Variants in CDH4 observed in about 807,000 individuals in gnomAD.
CDH4 encodes the protein cadherin 4, also known as cadherin-4.
In CDH4, 33 loss-of-function variants were observed where a neutral mutation model predicts 86.0. That is an observed-to-expected ratio of 0.38 (90% CI 0.29 to 0.51). The LOEUF (loss-of-function observed/expected upper bound fraction) is 0.51, where lower values mean the gene tolerates loss of function less well. Among genes scored for constraint, CDH4 ranks in the 20% least tolerant of loss-of-function variants. The pLI, the probability that CDH4 is intolerant of heterozygous loss-of-function variation, is 0.86. For missense variants in CDH4, 1,114 were observed against 1,307.4 expected (o/e 0.85, Z 2.28); for synonymous variants, 555 against 549.4 (o/e 1.01, Z -0.14).
At chr20:61,538,946 A>G (rs574377427) in intron 2 of CDH4, among the ~76,000 whole-genome samples, 179 of 152,324 alleles carry the variant, frequency 1.2e-3, no homozygotes, top group Non-Finnish European at 1.7e-3. Flanking sequence ...GCCTGATGCC[A>G]GGTACAGGAG....
chr20:61,541,664 T>C (rs1453326986), intron 2 of CDH4, among the ~76,000 whole-genome samples: 1 of 152,210 alleles, frequency 6.6e-6, no homozygotes, highest in Admixed American at 6.5e-5. Context: ...CTTCGCCATG[T>C]GTTTGTGGCT....
At chr20:61,573,030 TTGGATGGATGGATGGATGGATGGATGGA>T (rs760571002) in intron 2 of CDH4, among the ~76,000 whole-genome samples, 1 of 140,340 alleles carries the variant, frequency 7.1e-6, no homozygotes, top group African/African-American at 2.8e-5. Context: ...GGATGGATGG[TTGGATGGATGGATGGATGGATGGATGGA>T]TGGATGGATG....
At chr20:61,636,504 A>G (rs888327290) in intron 2 of CDH4, among the ~76,000 whole-genome samples, 1 of 152,226 alleles carries the variant, frequency 6.6e-6, no homozygotes, top group East Asian at 1.9e-4. Context: ...TGGAACATCA[A>G]TCCCTGTTCC....
In CDH4 at chr20:61,898,161, C is replaced by T. The variant is rs974124828; in HGVS notation, c.1188+3114C>T. Reference sequence around the variant, plus strand: ...ACACTGTCCATGCCTCACCGTGGGACGGAGCAGGCAGAGGGGCCAGCAGGA... The same window carrying T: ...ACACTGTCCATGCCTCACCGTGGGATGGAGCAGGCAGAGGGGCCAGCAGGA... On this transcript the variant is annotated intron_variant, in intron 8 of 15. Coordinates refer to ENST00000614565, the MANE Select transcript of CDH4 (RefSeq NM_001794.5). Among the ~76,000 whole-genome samples, 8 of 152,184 alleles carry T rather than the reference C, an allele frequency of 5.3e-5. No individual in the cohort carries two copies. In the East Asian group the frequency reaches 5.8e-4, roughly 11 times the overall value.
chr20:61,724,613 C>T (rs1313745767), intron 2 of CDH4, among the ~76,000 whole-genome samples: 5 of 152,208 alleles, frequency 3.3e-5, no homozygotes, highest in East Asian at 1.9e-4. Flanking sequence ...CGCCCCGACC[C>T]CGGGCTGTAC....
chr20:61,620,780 C>T (rs1450772063), intron 2 of CDH4, among the ~76,000 whole-genome samples: 2 of 152,226 alleles, frequency 1.3e-5, no homozygotes, highest in African/African-American at 4.8e-5. Context: ...AGAGGCTGGT[C>T]TCATATGTTG....
At chr20:61,497,610 G>A (rs2085671786) in intron 2 of CDH4, among the ~76,000 whole-genome samples, 3 of 152,150 alleles carry the variant, frequency 2.0e-5, no homozygotes, top group South Asian at 2.1e-4. Flanking sequence ...CTGTTGGTGG[G>A]ACTGTAAACT....
rs10590544 is a variant in CDH4 at position 61,871,039 on chromosome 20, A to ATGTGTGTG, written c.878-2669_878-2662dup. ...CATTACGTATATGTATATTTATAGG[A>ATGTGTGTG]TGTGTGTGTGTGTGTGTGTGTGTGT... is the stretch of plus-strand genomic sequence containing the variant. On this transcript the variant is annotated intron_variant, in intron 6 of 15. Coordinates refer to ENST00000614565, the MANE Select transcript of CDH4 (RefSeq NM_001794.5). Among the ~76,000 whole-genome samples the ATGTGTGTG allele has an allele frequency of 3.5e-3, 524 of 149,848 alleles. 3 individuals carry two copies. Among genetic ancestry groups the ATGTGTGTG allele is most frequent in the South Asian group, 0.012 (57 of 4,716 alleles).
intron 2 of CDH4, among the ~76,000 whole-genome samples, chr20:61,656,243 AG>A: frequency 1.7e-5 from 2 of 118,350 alleles, no homozygotes; most frequent in Admixed American, 2.0e-4. Flanking sequence ...TGGGGTGGGC[AG>A]GCGCGTGCTG....
At chr20:61,340,013 AT>A (rs1210445829) in intron 2 of CDH4, among the ~76,000 whole-genome samples, 4 of 152,216 alleles carry the variant, frequency 2.6e-5, no homozygotes, top group African/African-American at 9.6e-5. Context: ...GTTTAAGATG[AT>A]GAGTTAATTA....
intron 2 of CDH4, among the ~76,000 whole-genome samples, chr20:61,612,436 G>A (rs2086692209): frequency 6.6e-6 from 1 of 152,026 alleles, no homozygotes; most frequent in African/African-American, 2.4e-5. Flanking sequence ...TCTCATAATA[G>A]GATGCTGTGG....
At chr20:61,932,808 C>T (rs2055129755) in intron 13 of CDH4, among the ~76,000 whole-genome samples, 177 bp from the exon 14 acceptor site, 2 of 152,238 alleles carry the variant, frequency 1.3e-5, no homozygotes, top group African/African-American at 4.8e-5. Flanking sequence ...CTTGCACATC[C>T]AGGCCTGCAT....
intron 14 of CDH4, 86 bp downstream of exon 14, chr20:61,933,210 A>T: frequency 6.6e-7 from 1 of 1,512,200 alleles, no homozygotes; most frequent in Non-Finnish European, 9.0e-7. Context: ...CCTGGGGTTT[A>T]ACAGTAAGAC....
intron 2 of CDH4, among the ~76,000 whole-genome samples, chr20:61,319,573 G>T (rs2084496701): frequency 6.6e-6 from 1 of 152,132 alleles, no homozygotes; most frequent in South Asian, 2.1e-4. Flanking sequence ...TGGATCATAT[G>T]GTAGGTGGTT....
chr20:61,535,281 T>G (rs2085988117), intron 2 of CDH4, among the ~76,000 whole-genome samples: 3 of 152,166 alleles, frequency 2.0e-5, no homozygotes, highest in South Asian at 2.1e-4. Flanking sequence ...CCAGCAGCCC[T>G]ACAGTGGGGC....
intron 2 of CDH4, chr20:61,717,532 A>T (rs535487743): frequency 6.6e-6 from 1 of 152,220 alleles, no homozygotes; most frequent in East Asian, 1.9e-4. Context: ...CTGTCACCGA[A>T]GCTGGAGTGC....
At chr20:61,333,841 C>T (rs2084600466) in intron 2 of CDH4, among the ~76,000 whole-genome samples, 1 of 152,238 alleles carries the variant, frequency 6.6e-6, no homozygotes, top group Admixed American at 6.5e-5. Context: ...CTGGTGCCAC[C>T]GTTAGCACAT....
At chr20:61,513,275 G>A (rs575707003) in intron 2 of CDH4, among the ~76,000 whole-genome samples, 1 of 152,212 alleles carries the variant, frequency 6.6e-6, no homozygotes, top group East Asian at 1.9e-4. Context: ...ATGCCACAAG[G>A]CTGCTGGGCG....
At chr20:61,447,732 A>G (rs1280706398) in intron 2 of CDH4, among the ~76,000 whole-genome samples, 1 of 151,750 alleles carries the variant, frequency 6.6e-6, no homozygotes, top group Non-Finnish European at 1.5e-5. Context: ...AGGAAAAATA[A>G]GACTTGGATG....
Sources: allele counts gnomAD v4.1 joint callset (sites outside exome capture counted in the v4.1 genomes callset), GRCh38; gene constraint gnomAD v4.1.1; transcripts MANE v1.5; gene names NCBI Gene and HGNC (gene_info 2026-07-23, HGNC 2026-07-21).